NCAPD3: variants seen among roughly 807,000 people sequenced by gnomAD.
NCAPD3 encodes the protein condensin-2 complex subunit D3.
In NCAPD3, 105 loss-of-function variants were observed where a neutral mutation model predicts 182.9. That is an observed-to-expected ratio of 0.57 (90% CI 0.49 to 0.68). The LOEUF is 0.68. Ranked by LOEUF, NCAPD3 falls within the 30% of genes least tolerant of loss-of-function variation. The probability of loss-of-function intolerance (pLI) is 0.00; values close to 1 mark genes in which losing one functional copy is unlikely to be tolerated. For synonymous variants in NCAPD3, 815 were observed against 679.9 expected (o/e 1.20, Z -3.09); for missense variants, 1,944 against 1,837.0 (o/e 1.06, Z -1.07).
At position 134,194,651 on chromosome 11, in the gene NCAPD3, G is replaced by A. The variant is rs1431954955; in HGVS notation, c.1689+14C>T. 1 of 1,557,816 alleles carries A rather than the reference G, an allele frequency of 6.4e-7. No homozygotes were observed. Among genetic ancestry groups the A allele is most frequent in the African/African-American group, 1.4e-5 (1 of 71,398 alleles). On this transcript the variant is annotated intron_variant, in intron 14 of 34. Coordinates refer to ENST00000534548, the MANE Select transcript of NCAPD3 (RefSeq NM_015261.3). ...TAGTGCTTAAAAAAAAAAATGTGCA[G>A]AGAAAACTCCCACCTGCAGTGCAGA...
chr11:134,203,174 C>A lies in NCAPD3; in HGVS notation c.1493G>T (p.Ser498Ile), dbSNP rs1252342975. The A allele has an allele frequency of 6.3e-7, 1 of 1,598,670 alleles. No individual in the cohort carries two copies. Among genetic ancestry groups the A allele is most frequent in the South Asian group, 1.1e-5 (1 of 90,674 alleles). The change falls in exon 12 of 35, where the codon AGT becomes ATT. Residue 498 changes from serine (S) to isoleucine (I), a missense_variant. Physicochemically the swap from Ser to Ile is moderately radical, Grantham distance 142. Transcript: ENST00000534548. ...INSPTFSVIE[S>I]HPGTLLRNSS... ...ATTTCTCAGTAAGGTACCAGGGTGA[C>A]TCTCTATTACAGAAAACGTAGGACC...
intron 3 of NCAPD3, among the ~76,000 whole-genome samples, chr11:134,212,276 TA>T (rs1477520583): frequency 1.3e-5 from 2 of 152,132 alleles, no homozygotes; most frequent in Admixed American, 6.5e-5. Flanking sequence ...AAAAATTCTA[TA>T]AAAGATAAAT....
At chr11:134,219,151 T>C (rs866473532) in intron 2 of NCAPD3, among the ~76,000 whole-genome samples, 7 of 152,150 alleles carry the variant, frequency 4.6e-5, no homozygotes, top group Non-Finnish European at 7.4e-5. Context: ...CGTGTTCCCA[T>C]TGGGTGGCTC....
At chr11:134,223,976 C>T (rs1565564007), upstream of NCAPD3, 3 of 1,598,554 alleles carry the variant, frequency 1.9e-6, no homozygotes, top group Non-Finnish European at 2.6e-6. Flanking sequence ...TCAAAGCTCG[C>T]TCCCGCGCGC....
intron 25 of NCAPD3, 38 bp from the exon 26 acceptor site, chr11:134,168,640 G>A: frequency 1.2e-6 from 2 of 1,612,674 alleles, no homozygotes; most frequent in Non-Finnish European, 1.7e-6. Context: ...CATCACATGG[G>A]CACGGGTGTA....
chr11:134,161,342 G>C (rs1943574552), intron 28 of NCAPD3, among the ~76,000 whole-genome samples: 1 of 152,158 alleles, frequency 6.6e-6, no homozygotes, highest in Non-Finnish European at 1.5e-5. Context: ...GCCTGGTGAT[G>C]GCAGCTCCGA....
At chr11:134,197,774 A>G (rs1944667281) in intron 13 of NCAPD3, among the ~76,000 whole-genome samples, 1 of 152,216 alleles carries the variant, frequency 6.6e-6, no homozygotes, top group East Asian at 1.9e-4. Context: ...GTAACAGAAC[A>G]AAGAAAACCA....
Position 134,159,935 on chromosome 11 carries a change from A to G in NCAPD3, c.3824T>C (p.Val1275Ala). Reference sequence around the variant, plus strand: ...CTCAGCACCTCCAGCCGTCCCGGCCACATCTGCATGTTTTGCTAGCTCCTG... The same window carrying G: ...CTCAGCACCTCCAGCCGTCCCGGCCGCATCTGCATGTTTTGCTAGCTCCTG... ...QEQELAKHAD[V>A]AGTAGGAEVA... The change falls in exon 29 of 35, where the codon GTG (valine) becomes GCG (alanine). Residue 1275 changes from valine to alanine, a missense_variant. Transcript: ENST00000534548. 6.2e-7 allele frequency: 1 copy of G among 1,613,920 alleles called. No individual in the cohort carries two copies. Among genetic ancestry groups the G allele is most frequent in the East Asian group, 2.2e-5 (1 of 44,876 alleles).
In NCAPD3 at chr11:134,204,825, AC is replaced by A; in HGVS notation, c.1089+73del. 1 of 762,432 alleles carries A rather than the reference AC, an allele frequency of 1.3e-6. No individual in the cohort carries two copies. The highest frequency in any genetic ancestry group is 1.9e-6 in the Non-Finnish European group (1 of 514,488). 47.2% of individuals were successfully genotyped at this position (762,432 alleles called of 1,614,324 possible). A position where few individuals can be genotyped will look rare whatever the true frequency, so the allele number is the denominator to read the frequency against. ...TTCCCAAGAACAAATACCCACACTCACACACACACACACACATTTATCTTCA... is the reference window on the plus strand; with the variant it reads ...TTCCCAAGAACAAATACCCACACTCAACACACACACACACATTTATCTTCA... On this transcript the variant is annotated intron_variant, in intron 9 of 34. Coordinates refer to ENST00000534548, the MANE Select transcript of NCAPD3 (RefSeq NM_015261.3). This position sits in a 1 kb window ranked among gnomAD's most constrained non-coding sequence, Gnocchi z 4.3.
chr11:134,223,545 T>G, intron 1 of NCAPD3: 1 of 700,176 alleles, frequency 1.4e-6, no homozygotes, highest in Non-Finnish European at 2.6e-6. Flanking sequence ...TTTAAAACCA[T>G]CTTAATAGGT....
chr11:134,202,765 G>T, intron 13 of NCAPD3, 51 bp downstream of exon 13: 1 of 1,321,182 alleles, frequency 7.6e-7, no homozygotes, highest in Non-Finnish European at 1.1e-6. Context: ...ACTTACGGTT[G>T]TCTGAAATCC....
chr11:134,171,201 T>G (rs542582410), intron 24 of NCAPD3, among the ~76,000 whole-genome samples: 2 of 152,114 alleles, frequency 1.3e-5, no homozygotes, highest in Non-Finnish European at 1.5e-5. Context: ...CACCACCAAC[T>G]CAGGGATGCG....
chr11:134,193,013 T>C (rs1023365699), intron 15 of NCAPD3, 104 bp from the exon 16 acceptor site: 4 of 690,822 alleles, frequency 5.8e-6, no homozygotes, highest in East Asian at 2.6e-5. Flanking sequence ...CAACTGCAAA[T>C]AGACCATAGA....
intron 1 of NCAPD3, among the ~76,000 whole-genome samples, chr11:134,222,688 A>T (rs1480938467): frequency 6.6e-6 from 1 of 152,220 alleles, no homozygotes; most frequent in Non-Finnish European, 1.5e-5. Flanking sequence ...CTGGGGGAGG[A>T]GGGAGAGGAA....
At position 134,192,688 on chromosome 11, in the gene NCAPD3, C is replaced by A. The variant is rs1944549035; in HGVS notation, c.2045+1G>T. On this transcript the variant is annotated splice_donor_variant, in intron 16 of 34. Coordinates refer to ENST00000534548, the MANE Select transcript of NCAPD3 (RefSeq NM_015261.3). LOFTEE classifies it high-confidence loss of function. ...GAACACAGGTCATACAGTTAACCTA[C>A]CTCAGTTCCTGGCTTTCGGTGGTGA... The A allele has an allele frequency of 6.2e-7, 1 of 1,612,342 alleles. No individual in the cohort carries two copies. The highest frequency in any genetic ancestry group is 1.7e-5 in the Admixed American group (1 of 60,006).
At chr11:134,221,126 T>C (rs1012648355) in intron 1 of NCAPD3, among the ~76,000 whole-genome samples, 4 of 152,196 alleles carry the variant, frequency 2.6e-5, no homozygotes, top group African/African-American at 4.8e-5. Flanking sequence ...GGAAATAAAA[T>C]ATAGAGCACT....
At chr11:134,218,380 C>T (rs896173711) in intron 2 of NCAPD3, among the ~76,000 whole-genome samples, 10 of 152,156 alleles carry the variant, frequency 6.6e-5, no homozygotes, top group African/African-American at 2.4e-4. Flanking sequence ...CTGCTTCTCA[C>T]CCTCGGTGAT....
intron 2 of NCAPD3, among the ~76,000 whole-genome samples, chr11:134,218,372 G>T (rs1048905599): frequency 6.6e-6 from 1 of 152,108 alleles, no homozygotes; most frequent in Admixed American, 6.5e-5. Context: ...TGTCCTGGCT[G>T]CTTCTCACCC....
intron 20 of NCAPD3, 38 bp downstream of exon 20, chr11:134,181,039 G>A (rs1217391684): frequency 6.8e-7 from 1 of 1,459,988 alleles, no homozygotes; most frequent in Non-Finnish European, 9.6e-7. Flanking sequence ...CGGATAAAAT[G>A]GAAGCGAAAA....
Sources: gnomAD v4.1 joint callset for allele counts (sites outside exome capture counted in the v4.1 genomes callset) on GRCh38, gnomAD v4.1.1 for gene constraint, Gnocchi (gnomAD v3.1) non-coding constraint, MANE v1.5 for transcripts, NCBI Gene and HGNC (gene_info 2026-07-23, HGNC 2026-07-21) for gene names.